The following KCNB2 variants were observed in gnomAD, a reference collection of about 807,000 sequenced individuals.
KCNB2 encodes the protein potassium voltage-gated channel subfamily B member 2.
KCNB2 carries 15 observed loss-of-function variants against 61.5 expected under a neutral mutation model. The observed-to-expected ratio is 0.24, with a 90% CI of 0.16 to 0.38. KCNB2 has a LOEUF of 0.38. Ranked by LOEUF, KCNB2 falls within the 10% of genes least tolerant of loss-of-function variation. The pLI, the probability that KCNB2 is intolerant of heterozygous loss-of-function variation, is 1.00. For missense variants in KCNB2, 828 were observed against 1,125.2 expected (o/e 0.74, Z 3.78); for synonymous variants, 457 against 446.0 (o/e 1.02, Z -0.31).
intron 2 of KCNB2, among the ~76,000 whole-genome samples, chr8:72,660,132 A>G (rs1459346352): frequency 6.6e-6 from 1 of 152,222 alleles, no homozygotes; most frequent in African/African-American, 2.4e-5. Flanking sequence ...AGGAAACATC[A>G]AAATTATTTT....
At chr8:72,842,100 CACCAAT>C (rs1809901126) in intron 2 of KCNB2, among the ~76,000 whole-genome samples, 1 of 110,944 alleles carries the variant, frequency 9.0e-6, no homozygotes, top group Admixed American at 1.0e-4. Context: ...ATATATGTTT[CACCAAT>C]ACCTAGTTTA....
intron 1 of KCNB2, among the ~76,000 whole-genome samples, chr8:72,546,664 C>T (rs949407959): frequency 1.3e-4 from 20 of 152,172 alleles, no homozygotes; most frequent in Non-Finnish European, 4.4e-5. Context: ...CAGGGTCTCA[C>T]TCTGTCACCC....
At chr8:72,873,123 G>A (rs556627516) in intron 2 of KCNB2, among the ~76,000 whole-genome samples, 1 of 152,264 alleles carries the variant, frequency 6.6e-6, no homozygotes, top group Admixed American at 6.5e-5. Context: ...TCCCATCATG[G>A]CACAACTGAG....
intron 2 of KCNB2, among the ~76,000 whole-genome samples, chr8:72,653,352 T>C (rs1221991957): frequency 6.6e-6 from 1 of 152,130 alleles, no homozygotes; most frequent in East Asian, 1.9e-4. Context: ...TTATCCCAGG[T>C]TCTTCTCAAG....
At chr8:72,595,328 CTT>C (rs774432625) in intron 2 of KCNB2, among the ~76,000 whole-genome samples, 28 of 138,442 alleles carry the variant, frequency 2.0e-4, no homozygotes, top group Non-Finnish European at 2.2e-4. Context: ...TTTTTTCTTT[CTT>C]TTTTTTTTTT....
chr8:72,772,849 G>GA (rs1808583461), intron 2 of KCNB2, among the ~76,000 whole-genome samples: 1 of 152,182 alleles, frequency 6.6e-6, no homozygotes, highest in South Asian at 2.1e-4. Context: ...GACCTGTGGG[G>GA]AACTCCATTT....
intron 2 of KCNB2, among the ~76,000 whole-genome samples, chr8:72,786,665 G>T (rs1032461902): frequency 1.3e-5 from 2 of 152,108 alleles, no homozygotes; most frequent in African/African-American, 4.8e-5. Context: ...TATTTTACAT[G>T]ATCAGACAAT....
At chr8:72,928,150 A>C (rs1806691978) in intron 2 of KCNB2, among the ~76,000 whole-genome samples, 1 of 151,504 alleles carries the variant, frequency 6.6e-6, no homozygotes, top group African/African-American at 2.4e-5. Context: ...AGAGCTAAAA[A>C]CTGATAAGGA....
intron 2 of KCNB2, among the ~76,000 whole-genome samples, chr8:72,866,662 C>T (rs941843615): frequency 2.0e-5 from 3 of 152,172 alleles, no homozygotes; most frequent in African/African-American, 4.8e-5. Context: ...CTCTCAGGAC[C>T]CACTTGCAGG....
chr8:72,795,997 T>C (rs538684686), intron 2 of KCNB2, among the ~76,000 whole-genome samples: 35 of 152,276 alleles, frequency 2.3e-4, no homozygotes, highest in African/African-American at 8.2e-4. Context: ...ATTGTCCAAC[T>C]TGCAATATGG....
At chr8:72,899,701 A>G (rs1208563892) in intron 2 of KCNB2, among the ~76,000 whole-genome samples, 2 of 152,204 alleles carry the variant, frequency 1.3e-5, no homozygotes, top group Non-Finnish European at 2.9e-5. Flanking sequence ...AAGGAGAACT[A>G]CAAAACACTG....
chr8:72,838,281 C>T (rs1034157153), intron 2 of KCNB2, among the ~76,000 whole-genome samples: 5 of 152,130 alleles, frequency 3.3e-5, no homozygotes, highest in Non-Finnish European at 7.3e-5. Context: ...CACCAGCCGA[C>T]AGGCCCTGGT....
At chr8:72,794,446 T>C (rs1364728370) in intron 2 of KCNB2, among the ~76,000 whole-genome samples, 1 of 150,954 alleles carries the variant, frequency 6.6e-6, no homozygotes, top group African/African-American at 2.4e-5. Flanking sequence ...GTGCCTGTAA[T>C]CCCAGCTACT....
chr8:72,866,772 C>T (rs2129004440), intron 2 of KCNB2, among the ~76,000 whole-genome samples: 1 of 152,276 alleles, frequency 6.6e-6, no homozygotes, highest in Non-Finnish European at 1.5e-5. Context: ...AAATTCTCAT[C>T]TCATTTATTT....
chr8:72,576,515 A>C (rs559497039), intron 2 of KCNB2, among the ~76,000 whole-genome samples: 1 of 152,332 alleles, frequency 6.6e-6, no homozygotes, highest in East Asian at 1.9e-4. Flanking sequence ...GAGGTGGTAG[A>C]AGCTTTTCAA....
At chr8:72,897,549 A>G (rs74873639) in intron 2 of KCNB2, among the ~76,000 whole-genome samples, 1 of 152,174 alleles carries the variant, frequency 6.6e-6, no homozygotes, top group Non-Finnish European at 1.5e-5. Context: ...TTAGGAACCT[A>G]TTTAAAAGAT....
At chr8:72,551,723 T>G (rs574191597) in intron 1 of KCNB2, among the ~76,000 whole-genome samples, 1 of 152,242 alleles carries the variant, frequency 6.6e-6, no homozygotes, top group South Asian at 2.1e-4. Flanking sequence ...ACTTTAAAAT[T>G]TCAGGCATTT....
intron 2 of KCNB2, among the ~76,000 whole-genome samples, chr8:72,799,077 G>A (rs1809079409): frequency 1.3e-5 from 2 of 152,040 alleles, no homozygotes; most frequent in African/African-American, 2.4e-5. Context: ...TCCAAAATGC[G>A]GAAGACACCC....
intron 2 of KCNB2, among the ~76,000 whole-genome samples, chr8:72,645,668 CCT>C (rs1290462549): frequency 6.6e-6 from 1 of 152,162 alleles, no homozygotes; most frequent in Non-Finnish European, 1.5e-5. Context: ...AGCTAAAGTG[CCT>C]GGTGACCTCA....
Sources: gnomAD v4.1 joint callset for allele counts (sites outside exome capture counted in the v4.1 genomes callset) on GRCh38, gnomAD v4.1.1 for gene constraint, MANE v1.5 for transcripts, NCBI Gene and HGNC (gene_info 2026-07-23, HGNC 2026-07-21) for gene names.